Variants in GATA4 observed in about 807,000 individuals in gnomAD.
GATA4 encodes GATA binding protein 4, also known as transcription factor GATA-4.
A neutral mutation model predicts 37.9 loss-of-function variants in GATA4; 7 were observed. The ratio of observed to expected loss-of-function variants is 0.18; its 90% confidence interval spans 0.11 to 0.35. The LOEUF (loss-of-function observed/expected upper bound fraction) is 0.35. Among genes scored for constraint, GATA4 ranks in the 10% least tolerant of loss-of-function variants. GATA4 has a pLI of 1.00. For missense variants in GATA4, 647 were observed against 653.0 expected, an observed-to-expected ratio of 0.99 and a Z score of 0.10; for synonymous variants, 372 against 292.6, an observed-to-expected ratio of 1.27 and a Z score of -2.77.
At position 11,708,655 on chromosome 8, in the gene GATA4, G is replaced by A. The variant is rs1488801698; in HGVS notation, c.343G>A (p.Gly115Arg). The change falls in exon 2 of 7, where the codon GGG (glycine) becomes AGG (arginine). Residue 115 changes from glycine to arginine, a missense_variant. Gly to Arg is a moderately radical substitution (Grantham distance 125). Transcript: ENST00000532059. The surrounding 1 kb of genome is among the most constrained non-coding windows in gnomAD (Gnocchi z 6.7). ...SPRFSFPGTT[G>R]SLAAAAAAAA... The stretch of plus-strand genomic sequence containing the variant: ...GCGCTTCTCCTTCCCGGGGACCACC[G>A]GGTCCCTGGCGGCCGCCGCCGCCGC... The A allele has an allele frequency of 1.5e-6, 2 of 1,311,216 alleles. No homozygotes were observed. The highest frequency in any genetic ancestry group is 1.9e-6 in the Non-Finnish European group (2 of 1,031,992). The allele number at this position is 1,311,216 out of a possible 1,614,324, so 81.2% of individuals were successfully genotyped here.
rs573868203 is a variant in GATA4 at position 11,709,509 on chromosome 8, G to A, written c.616+581G>A. On this transcript the variant is annotated intron_variant, in intron 2 of 6. Coordinates refer to ENST00000532059, the MANE Select transcript of GATA4 (RefSeq NM_001308093.3). The surrounding 1 kb of genome is among the most constrained non-coding windows in gnomAD (Gnocchi z 4.3). ...GACAAAGGAGACGCCGGGGAGATGC[G>A]CGGAACAGGAGCCGGCACTGTGCGG... Among the ~76,000 whole-genome samples, 41 of 151,748 alleles carry A rather than the reference G, an allele frequency of 2.7e-4. No individual in the cohort carries two copies. The highest frequency in any genetic ancestry group is 6.8e-3 in the Middle Eastern group (2 of 294).
chr8:11,678,747 G>C (rs1798858717), intron 1 of GATA4, among the ~76,000 whole-genome samples: 1 of 152,116 alleles, frequency 6.6e-6, no homozygotes, highest in Non-Finnish European at 1.5e-5. Flanking sequence ...AAGGATACTT[G>C]AAAGTCCCAC....
At chr8:11,687,772 T>C (rs1385495983), upstream of GATA4, among the ~76,000 whole-genome samples, 1 of 152,186 alleles carries the variant, frequency 6.6e-6, no homozygotes, top group Non-Finnish European at 1.5e-5. Flanking sequence ...TGATATGTAA[T>C]GGCTCTGACA....
intron 2 of GATA4, among the ~76,000 whole-genome samples, chr8:11,742,336 C>A (rs1801781209): frequency 6.6e-6 from 1 of 151,370 alleles, no homozygotes. Flanking sequence ...TCTTCCTCCT[C>A]TATCTCTCTA....
intron 1 of GATA4, among the ~76,000 whole-genome samples, chr8:11,696,499 C>G (rs2130002501): frequency 6.6e-6 from 1 of 152,186 alleles, no homozygotes; most frequent in East Asian, 1.9e-4. Context: ...CCTCAGTTTA[C>G]CTATTCCCCT....
In GATA4 at chr8:11,758,515, G is replaced by A. The variant is rs1451104510; in HGVS notation, c.*40G>A. Reference sequence around the variant, plus strand: ...TCCTCAAATTCCTGCACGGACCTGGGACTTGGAGGATAGCAAAGAAGGAGG... The same window carrying A: ...TCCTCAAATTCCTGCACGGACCTGGAACTTGGAGGATAGCAAAGAAGGAGG... On this transcript the variant is annotated 3_prime_UTR_variant, in exon 7 of 7. Coordinates refer to ENST00000532059, the MANE Select transcript of GATA4 (RefSeq NM_001308093.3). 6.2e-7 allele frequency: 1 copy of A among 1,606,850 alleles called. No homozygotes were observed. Among genetic ancestry groups the A allele is most frequent in the Non-Finnish European group, 8.5e-7 (1 of 1,173,616 alleles).
intron 1 of GATA4, among the ~76,000 whole-genome samples, chr8:11,679,159 G>A (rs2129914421): frequency 7.5e-6 from 1 of 133,122 alleles, no homozygotes; most frequent in East Asian, 2.4e-4. Flanking sequence ...GGAGATTCGA[G>A]GCAATTATCC....
At chr8:11,712,293 T>C (rs760303277) in intron 2 of GATA4, among the ~76,000 whole-genome samples, 2 of 152,136 alleles carry the variant, frequency 1.3e-5, no homozygotes, top group African/African-American at 2.4e-5. Context: ...TGAACGCAGA[T>C]TGTTGGACAC....
intron 1 of GATA4, among the ~76,000 whole-genome samples, chr8:11,684,053 A>G (rs993656794): frequency 6.6e-6 from 1 of 152,222 alleles, no homozygotes; most frequent in African/African-American, 2.4e-5. Flanking sequence ...AGGGCAACCC[A>G]TGTCCTCAGC....
At chr8:11,713,687 G>A (rs1299166643) in intron 2 of GATA4, among the ~76,000 whole-genome samples, 2 of 152,148 alleles carry the variant, frequency 1.3e-5, no homozygotes, top group Non-Finnish European at 2.9e-5. Flanking sequence ...CTGTGTTAGT[G>A]AAGGTGAGCA....
At chr8:11,724,248 C>T (rs1379104175) in intron 2 of GATA4, among the ~76,000 whole-genome samples, 1 of 152,072 alleles carries the variant, frequency 6.6e-6, no homozygotes, top group African/African-American at 2.4e-5. Context: ...GCCCATTGAC[C>T]ATTGTGAATA....
At chr8:11,702,808 G>C (rs1199172360), upstream of GATA4, among the ~76,000 whole-genome samples, 1 of 152,184 alleles carries the variant, frequency 6.6e-6, no homozygotes, top group East Asian at 1.9e-4. This position sits in a 1 kb window ranked among gnomAD's most constrained non-coding sequence, Gnocchi z 4.4. Flanking sequence ...GGCGCCCCAG[G>C]CAGCCTCAGT....
chr8:11,705,405 G>A (rs1472721580), intron 1 of GATA4, among the ~76,000 whole-genome samples: 1 of 152,238 alleles, frequency 6.6e-6, no homozygotes, highest in East Asian at 1.9e-4. Context: ...GTAAACCCAG[G>A]CCAGCGAGGA....
chr8:11,727,713 G>A (rs1801001542), intron 2 of GATA4, among the ~76,000 whole-genome samples: 1 of 151,974 alleles, frequency 6.6e-6, no homozygotes, highest in Non-Finnish European at 1.5e-5. Flanking sequence ...GTATGGTAGT[G>A]TCTGTCTGTG....
chr8:11,691,182 C>G (rs1799301690), upstream of GATA4, among the ~76,000 whole-genome samples: 1 of 152,206 alleles, frequency 6.6e-6, no homozygotes, highest in Non-Finnish European at 1.5e-5. Context: ...TAAATGGATC[C>G]CAGTTTTCAT....
At chr8:11,713,764 G>A (rs1307993410) in intron 2 of GATA4, among the ~76,000 whole-genome samples, 1 of 152,238 alleles carries the variant, frequency 6.6e-6, no homozygotes, top group African/African-American at 2.4e-5. Context: ...ATAGAATATG[G>A]CTTGTCTTCA....
upstream of GATA4, chr8:11,692,133 G>C (rs1046005585): frequency 1.4e-6 from 1 of 718,970 alleles, no homozygotes; most frequent in Non-Finnish European, 1.7e-6. Flanking sequence ...CTGTTCTCCA[G>C]CCTAATGGCC....
chr8:11,721,314 C>G (rs1052407609), intron 2 of GATA4, among the ~76,000 whole-genome samples: 4 of 149,920 alleles, frequency 2.7e-5, no homozygotes, highest in African/African-American at 4.9e-5. Flanking sequence ...TTGAATCAGG[C>G]TGTTCTGCAG....
upstream of GATA4, among the ~76,000 whole-genome samples, chr8:11,703,027 T>C (rs1364817869): frequency 1.3e-5 from 2 of 152,188 alleles, no homozygotes; most frequent in African/African-American, 4.8e-5. Flanking sequence ...AGGCTGGGAA[T>C]CCACGATTGA....
Sources: gnomAD v4.1 joint callset for allele counts (sites outside exome capture counted in the v4.1 genomes callset) on GRCh38, gnomAD v4.1.1 for gene constraint, Gnocchi (gnomAD v3.1) non-coding constraint, MANE v1.5 for transcripts, NCBI Gene and HGNC (gene_info 2026-07-23, HGNC 2026-07-21) for gene names.